Variants in GPC1 observed in about 807,000 individuals in gnomAD.
The protein encoded by GPC1 is glypican-1.
In GPC1, 26 loss-of-function variants were observed where a neutral mutation model predicts 51.5. That is an observed-to-expected ratio of 0.50 (90% CI 0.37 to 0.70). The LOEUF is 0.70. Ranked by LOEUF, GPC1 falls within the 30% of genes least tolerant of loss-of-function variation. The pLI is 0.00. For missense variants in GPC1, 775 were observed against 800.5 expected (o/e 0.97, Z 0.38); for synonymous variants, 380 against 348.3 (o/e 1.09, Z -1.01).
At chr2:240,453,862 C>A (rs1237157820) in intron 1 of GPC1, among the ~76,000 whole-genome samples, 2 of 152,252 alleles carry the variant, frequency 1.3e-5, no homozygotes, top group African/African-American at 4.8e-5. Flanking sequence ...TTTGTTCCGC[C>A]GCCGGGGCCG....
At chr2:240,441,004 G>A (rs1238936131) in intron 1 of GPC1, among the ~76,000 whole-genome samples, 1 of 152,282 alleles carries the variant, frequency 6.6e-6, no homozygotes, top group Non-Finnish European at 1.5e-5. Context: ...CAGGATTAGT[G>A]GACAGGTACC....
rs1395556358 is a variant in GPC1 at position 240,444,298 on chromosome 2, C to T, written c.166+8214C>T. On this transcript the variant is annotated intron_variant, in intron 1 of 8. Transcript: ENST00000264039. ...GGTGAGCTGGGCGGGCCAGGAAGTA[C>T]AACGCTGCTAGGCTTCTGCTCTCGC... Among the ~76,000 whole-genome samples, 3 of 152,220 alleles carry T rather than the reference C, an allele frequency of 2.0e-5. No homozygotes were observed. The South Asian group carries it at 6.2e-4, about 32-fold the overall frequency.
At chr2:240,462,153 G>A (rs1574777315) in intron 2 of GPC1, 38 bp from the exon 3 acceptor site, 9 of 1,516,226 alleles carry the variant, frequency 5.9e-6, no homozygotes, top group South Asian at 1.3e-5. Context: ...CACGGCGGGG[G>A]AAACATGGTC....
chr2:240,436,990 AG>A (rs2073988342), intron 1 of GPC1, among the ~76,000 whole-genome samples: 1 of 152,226 alleles, frequency 6.6e-6, no homozygotes, highest in African/African-American at 2.4e-5. Flanking sequence ...CCGTGTGCTA[AG>A]GAACTCTTGG....
intron 1 of GPC1, among the ~76,000 whole-genome samples, chr2:240,457,769 C>T (rs527898543): frequency 6.6e-6 from 1 of 152,320 alleles, no homozygotes; most frequent in South Asian, 2.1e-4. Context: ...GCCTTCACTT[C>T]CTGCTGACCC....
At chr2:240,459,988 C>T (rs1263302469) in intron 2 of GPC1, among the ~76,000 whole-genome samples, 1 of 152,124 alleles carries the variant, frequency 6.6e-6, no homozygotes, top group Non-Finnish European at 1.5e-5. Flanking sequence ...GGAGGGAGCG[C>T]TGAGGCTGCA....
At chr2:240,451,961 C>G (rs1273505066) in intron 1 of GPC1, 1 of 152,792 alleles carries the variant, frequency 6.5e-6, no homozygotes, top group Non-Finnish European at 1.5e-5. Context: ...CTTTGGGGGT[C>G]TCCGGTGTTG....
chr2:240,449,767 C>G (rs2074080449), intron 1 of GPC1: 2 of 456,102 alleles, frequency 4.4e-6, no homozygotes, highest in Non-Finnish European at 9.0e-6. Context: ...ATGAATCCGA[C>G]TCCTCTAGGG....
intron 4 of GPC1, 99 bp from the exon 5 acceptor site, chr2:240,464,517 C>G (rs2074243411): frequency 7.1e-7 from 1 of 1,404,808 alleles, no homozygotes; most frequent in Non-Finnish European, 1.0e-6. Context: ...GCTGTCAAGA[C>G]TGCATTAACA....
intron 1 of GPC1, among the ~76,000 whole-genome samples, chr2:240,439,755 C>G (rs2074006242): frequency 6.6e-6 from 1 of 152,224 alleles, no homozygotes; most frequent in South Asian, 2.1e-4. Flanking sequence ...AGCCCCTCAC[C>G]AGACCAGACA....
At chr2:240,456,303 C>T (rs1451374815) in intron 1 of GPC1, among the ~76,000 whole-genome samples, 1 of 152,070 alleles carries the variant, frequency 6.6e-6, no homozygotes, top group Non-Finnish European at 1.5e-5. Context: ...TCGTCAGCCT[C>T]TCCCGTCTGC....
intron 2 of GPC1, 76 bp downstream of exon 2, chr2:240,459,264 G>A (rs1286026791): frequency 1.5e-6 from 2 of 1,367,894 alleles, no homozygotes; most frequent in Non-Finnish European, 2.0e-6. Flanking sequence ...GGCCTTGCCT[G>A]GTGTGTCAAT....
chr2:240,453,399 C>CA (rs2074123062), intron 1 of GPC1, among the ~76,000 whole-genome samples: 3 of 32,018 alleles, frequency 9.4e-5, no homozygotes, highest in African/African-American at 1.5e-4. Flanking sequence ...GCCCGCCCCG[C>CA]TCCCTCCGCC....
intron 2 of GPC1, among the ~76,000 whole-genome samples, chr2:240,461,717 C>T (rs534202936): frequency 6.6e-6 from 1 of 152,132 alleles, no homozygotes; most frequent in African/African-American, 2.4e-5. Flanking sequence ...GGGGCAGCAG[C>T]CCTGGAGACT....
At chr2:240,444,883 T>C (rs907557817) in intron 1 of GPC1, among the ~76,000 whole-genome samples, 9 of 152,254 alleles carry the variant, frequency 5.9e-5, no homozygotes, top group African/African-American at 2.2e-4. Context: ...AGGAGGCCCA[T>C]CCTTGGCTCT....
intron 1 of GPC1, chr2:240,456,855 C>T (rs2074169501): frequency 3.3e-6 from 1 of 307,310 alleles, no homozygotes; most frequent in African/African-American, 2.2e-5. Flanking sequence ...GTGTCCCAGT[C>T]TTCTTGCCTG....
At position 240,463,341 on chromosome 2, in the gene GPC1, C is replaced by A; in HGVS notation, c.718-6C>A. On this transcript the variant is annotated splice_region_variant and splice_polypyrimidine_tract_variant and intron_variant, in intron 3 of 8. Coordinates refer to ENST00000264039, the MANE Select transcript of GPC1 (RefSeq NM_002081.3). ...GGGGCCTGGCTTAGGGTCCCTTGCT[C>A]CCCAGGTCCCCCTGGGCCCGGAGTG... is the stretch of plus-strand genomic sequence containing the variant. 6.2e-7 allele frequency: 1 copy of A among 1,612,058 alleles called. No individual in the cohort carries two copies. The highest frequency in any genetic ancestry group is 1.1e-5 in the South Asian group (1 of 91,054).
intron 1 of GPC1, 29 bp from the exon 2 acceptor site, chr2:240,459,001 C>G (rs776287817): frequency 6.2e-7 from 1 of 1,606,766 alleles, no homozygotes; most frequent in Non-Finnish European, 8.5e-7. Flanking sequence ...GTCCCAGCCC[C>G]TCTCCCTCAC....
intron 1 of GPC1, among the ~76,000 whole-genome samples, chr2:240,437,720 G>C (rs1020469243): frequency 3.3e-5 from 5 of 152,126 alleles, no homozygotes; most frequent in Non-Finnish European, 5.9e-5. Flanking sequence ...GTAGCAGAGT[G>C]GCTGAGTGGC....
Sources: allele counts gnomAD v4.1 joint callset (sites outside exome capture counted in the v4.1 genomes callset), GRCh38; gene constraint gnomAD v4.1.1; transcripts MANE v1.5; gene names NCBI Gene and HGNC (gene_info 2026-07-23, HGNC 2026-07-21).